KIRREL3: variants seen among roughly 807,000 people sequenced by gnomAD.
KIRREL3 encodes the protein kirre like nephrin family adhesion molecule 3, also known as kin of IRRE-like protein 3.
KIRREL3 carries 36 observed loss-of-function variants against 89.7 expected under a neutral mutation model. The observed-to-expected ratio is 0.40, with a 90% CI of 0.31 to 0.53. The LOEUF (loss-of-function observed/expected upper bound fraction) is 0.53, where lower values mean the gene tolerates loss of function less well. Ranked by LOEUF, KIRREL3 falls within the 20% of genes least tolerant of loss-of-function variation. KIRREL3 has a pLI of 0.49. For missense variants in KIRREL3, 864 were observed against 1,056.6 expected (o/e 0.82, Z 2.53); for synonymous variants, 445 against 441.4 (o/e 1.01, Z -0.10).
chr11:126,963,136 A>T (rs1221090587), intron 1 of KIRREL3, among the ~76,000 whole-genome samples: 1 of 152,204 alleles, frequency 6.6e-6, no homozygotes, highest in African/African-American at 2.4e-5. Flanking sequence ...GTTTGGAAAG[A>T]TCTAGCCAAA....
intron 1 of KIRREL3, among the ~76,000 whole-genome samples, chr11:126,770,773 G>A (rs1038051717): frequency 1.3e-5 from 2 of 152,158 alleles, no homozygotes; most frequent in Admixed American, 6.5e-5. Context: ...CCCAGAGCAG[G>A]GAAGGGAACT....
At position 126,709,650 on chromosome 11, in the gene KIRREL3, G is replaced by T. The variant is rs905063265; in HGVS notation, c.56-146738C>A. 1.3e-5 allele frequency among the ~76,000 whole-genome samples: 2 copies of T among 152,172 alleles called. No homozygotes were observed. Among genetic ancestry groups the T allele is most frequent in the Non-Finnish European group, 2.9e-5 (2 of 68,024 alleles). ...TTTGGACACAGAGGTACAGAGGGAA[G>T]ACCATGTGAAGATGAGGGAAGGCAG... On this transcript the variant is annotated intron_variant, in intron 1 of 16. Coordinates refer to ENST00000525144, the MANE Select transcript of KIRREL3 (RefSeq NM_032531.4). The surrounding 1 kb of genome is among the most constrained non-coding windows in gnomAD (Gnocchi z 4.0).
chr11:126,684,966 C>T lies in KIRREL3; in HGVS notation c.56-122054G>A, dbSNP rs1391490822. On this transcript the variant is annotated intron_variant, in intron 1 of 16. Transcript: ENST00000525144. This position sits in a 1 kb window ranked among gnomAD's most constrained non-coding sequence, Gnocchi z 4.2. ...CTTTTGTCCTCTTCTCTCTTCCTCT[C>T]TCCCTCATTTCTGGCTTCCCTCTTT... Among the ~76,000 whole-genome samples, 1 of 152,130 alleles carries T rather than the reference C, an allele frequency of 6.6e-6. No individual in the cohort carries two copies. The highest frequency in any genetic ancestry group is 2.4e-5 in the African/African-American group (1 of 41,416).
intron 4 of KIRREL3, among the ~76,000 whole-genome samples, chr11:126,507,856 C>T (rs184157013): frequency 2.6e-5 from 4 of 152,338 alleles, no homozygotes; most frequent in East Asian, 3.9e-4. Flanking sequence ...TAGGGCTCAG[C>T]GTTGTCTGGA....
chr11:126,857,887 C>T (rs1028365205), intron 1 of KIRREL3, among the ~76,000 whole-genome samples: 1 of 151,942 alleles, frequency 6.6e-6, no homozygotes, highest in Non-Finnish European at 1.5e-5. Flanking sequence ...GGATGAGAAA[C>T]CTACCGCTAT....
intron 1 of KIRREL3, among the ~76,000 whole-genome samples, chr11:126,865,452 T>C (rs942299749): frequency 2.0e-5 from 3 of 152,212 alleles, no homozygotes; most frequent in Non-Finnish European, 4.4e-5. Context: ...TTGGTATAAG[T>C]CAGCAGACTC....
At position 126,978,220 on chromosome 11, in the gene KIRREL3, C is replaced by A. The variant is rs943848159; in HGVS notation, c.55+22235G>T. Among the ~76,000 whole-genome samples the A allele has an allele frequency of 3.9e-5, 6 of 152,220 alleles. No homozygotes were observed. Among genetic ancestry groups the A allele is most frequent in the Non-Finnish European group, 8.8e-5 (6 of 68,036 alleles). Reference sequence around the variant, plus strand: ...TTTCAGGGTTGCTTCTGCCCTTCCTCTTCTCCAACATTTTCTTTGAAAGGT... The same window carrying A: ...TTTCAGGGTTGCTTCTGCCCTTCCTATTCTCCAACATTTTCTTTGAAAGGT... On this transcript the variant is annotated intron_variant, in intron 1 of 16. Coordinates refer to ENST00000525144, the MANE Select transcript of KIRREL3 (RefSeq NM_032531.4). The surrounding 1 kb of genome is among the most constrained non-coding windows in gnomAD (Gnocchi z 4.2).
In KIRREL3 at chr11:126,581,844, C is replaced by T. The variant is rs531379648; in HGVS notation, c.56-18932G>A. 1.7e-3 allele frequency among the ~76,000 whole-genome samples: 257 copies of T among 152,142 alleles called. 1 individual carries two copies. The highest frequency in any genetic ancestry group is 3.1e-3 in the Non-Finnish European group (212 of 67,994). ...CACACGAGAGGCTCTGCTGTCCTGA[C>T]GTGGCACGGAAGGGAATGGAAGGGA... On this transcript the variant is annotated intron_variant, in intron 1 of 16. Coordinates refer to ENST00000525144, the MANE Select transcript of KIRREL3 (RefSeq NM_032531.4).
Position 126,660,045 on chromosome 11 carries a change from C to T in KIRREL3, c.56-97133G>A, listed in dbSNP as rs1326684139. On this transcript the variant is annotated intron_variant, in intron 1 of 16. Transcript: ENST00000525144. ...GGTTGCTACTAAGCAGGGACAATTG[C>T]GCAGCTTGTGGAGTGGCTTGGAGAC... is the stretch of plus-strand genomic sequence containing the variant. 4.6e-5 allele frequency among the ~76,000 whole-genome samples: 7 copies of T among 152,124 alleles called. No homozygotes were observed. In the East Asian group the frequency reaches 5.8e-4, roughly 13 times the overall value.
In KIRREL3 at chr11:126,531,112, GCCA is replaced by G. The variant is rs1462010674; in HGVS notation, c.134-4428_134-4426del. 6.6e-5 allele frequency among the ~76,000 whole-genome samples: 10 copies of G among 152,142 alleles called. No individual in the cohort carries two copies. Among genetic ancestry groups the G allele is most frequent in the African/African-American group, 2.4e-4 (10 of 41,428 alleles). On this transcript the variant is annotated intron_variant, in intron 2 of 16. Transcript: ENST00000525144. This position sits in a 1 kb window ranked among gnomAD's most constrained non-coding sequence, Gnocchi z 4.7. Reference sequence around the variant, plus strand: ...CAAAGTGTTGGGATTACGAGCGTGAGCCACCATGCCCGGCCCCATGCTTTGTTT... The same window carrying G: ...CAAAGTGTTGGGATTACGAGCGTGAGCCATGCCCGGCCCCATGCTTTGTTT...
At chr11:126,449,741 G>A (rs757262130) in intron 7 of KIRREL3, among the ~76,000 whole-genome samples, 11 of 152,222 alleles carry the variant, frequency 7.2e-5, no homozygotes, top group African/African-American at 1.4e-4. Flanking sequence ...GAGGAGTGGC[G>A]TGAGCGAGTA....
At position 126,424,763 on chromosome 11, in the gene KIRREL3, G is replaced by C; in HGVS notation, c.2154C>G (p.Asp718Glu). 1 of 1,614,044 alleles carries C rather than the reference G, an allele frequency of 6.2e-7. No homozygotes were observed. Among genetic ancestry groups the C allele is most frequent in the Non-Finnish European group, 8.5e-7 (1 of 1,179,902 alleles). Reference sequence around the variant, plus strand: ...ACTGCGTGTCCAGGAAGGAGCTGCTGTCGCTGAGGGAGCCTCTCTGGAACT... The same window carrying C: ...ACTGCGTGTCCAGGAAGGAGCTGCTCTCGCTGAGGGAGCCTCTCTGGAACT... ...EREFQRGSLSDSSSFLDTQCD... is the reference protein window; with the variant it reads ...EREFQRGSLSESSSFLDTQCD... Residue 718 changes from aspartate (D) to glutamate (E), a missense_variant, in exon 17 of 17, where the codon GAC becomes GAG. Coordinates refer to ENST00000525144, the MANE Select transcript of KIRREL3 (RefSeq NM_032531.4).
At chr11:126,956,450 A>G (rs1050710825) in intron 1 of KIRREL3, among the ~76,000 whole-genome samples, 1 of 152,166 alleles carries the variant, frequency 6.6e-6, no homozygotes, top group Admixed American at 6.5e-5. Flanking sequence ...TTAATGGCAT[A>G]TGGTTCCAGG....
At position 126,476,297 on chromosome 11, in the gene KIRREL3, A is replaced by G. The variant is rs570762498; in HGVS notation, c.434-2831T>C. Among the ~76,000 whole-genome samples the G allele has an allele frequency of 1.3e-5, 2 of 152,290 alleles. No individual in the cohort carries two copies. Among genetic ancestry groups the G allele is most frequent in the East Asian group, 3.9e-4 (2 of 5,176 alleles). On this transcript the variant is annotated intron_variant, in intron 4 of 16. Coordinates refer to ENST00000525144, the MANE Select transcript of KIRREL3 (RefSeq NM_032531.4). The surrounding 1 kb of genome is among the most constrained non-coding windows in gnomAD (Gnocchi z 6.4). ...TTTGGGGAGCTCCCCAGGGGGTCCCATGGCAGGACCAGCTTTCTGGGCTCT... is the reference window on the plus strand; with the variant it reads ...TTTGGGGAGCTCCCCAGGGGGTCCCGTGGCAGGACCAGCTTTCTGGGCTCT...
intron 4 of KIRREL3, among the ~76,000 whole-genome samples, chr11:126,487,498 A>G (rs775495063): frequency 7.9e-5 from 12 of 152,248 alleles, no homozygotes; most frequent in Non-Finnish European, 1.3e-4. Flanking sequence ...TCACTAAAAT[A>G]TACCTTTCAA....
rs1957518559 is a variant in KIRREL3 at position 126,491,673 on chromosome 11, C to A, written c.434-18207G>T. Among the ~76,000 whole-genome samples the A allele has an allele frequency of 6.6e-6, 1 of 152,126 alleles. No homozygotes were observed. The highest frequency in any genetic ancestry group is 2.1e-4 in the South Asian group (1 of 4,820). ...ACCGTTTCTTTGTGCTCCCCACACA[C>A]AGATTTGGATGTTTTTCTTTTTTTC... On this transcript the variant is annotated intron_variant, in intron 4 of 16. Transcript: ENST00000525144. The surrounding 1 kb of genome is among the most constrained non-coding windows in gnomAD (Gnocchi z 5.5).
Position 126,771,410 on chromosome 11 carries a change from C to T in KIRREL3, c.56-208498G>A, listed in dbSNP as rs1470696348. On this transcript the variant is annotated intron_variant, in intron 1 of 16. Transcript: ENST00000525144. This position sits in a 1 kb window ranked among gnomAD's most constrained non-coding sequence, Gnocchi z 4.4. ...ACAATGCTCCCTGCACTGTGCCCTGCCTGGAATCTCCTTCATGGTATTTAA... is the reference window on the plus strand; with the variant it reads ...ACAATGCTCCCTGCACTGTGCCCTGTCTGGAATCTCCTTCATGGTATTTAA... 1.3e-5 allele frequency among the ~76,000 whole-genome samples: 2 copies of T among 152,152 alleles called. No homozygotes were observed. Among genetic ancestry groups the T allele is most frequent in the African/African-American group, 4.8e-5 (2 of 41,448 alleles).
At chr11:126,445,237 G>A in intron 9 of KIRREL3, 132 bp from the exon 10 acceptor site, 1 of 1,229,756 alleles carries the variant, frequency 8.1e-7, no homozygotes, top group African/African-American at 1.5e-5. Context: ...GAAGCAAGGT[G>A]GGGAGGAAAG....
At chr11:126,540,044 A>C (rs886310773) in intron 2 of KIRREL3, among the ~76,000 whole-genome samples, 1 of 152,220 alleles carries the variant, frequency 6.6e-6, no homozygotes, top group African/African-American at 2.4e-5. Context: ...AGATCATCTA[A>C]CCTAATCTTC....
Sources: allele counts gnomAD v4.1 joint callset (sites outside exome capture counted in the v4.1 genomes callset), GRCh38; gene constraint gnomAD v4.1.1; non-coding constraint Gnocchi (gnomAD v3.1); transcripts MANE v1.5; gene names NCBI Gene and HGNC (gene_info 2026-07-23, HGNC 2026-07-21).